The following SEC24C variants were observed in gnomAD, a reference collection of about 807,000 sequenced individuals.
SEC24C encodes the protein SEC24 homolog C, COPII component, also known as protein transport protein Sec24C.
A neutral mutation model predicts 117.0 loss-of-function variants in SEC24C; 22 were observed. That is an observed-to-expected ratio of 0.19 (90% CI 0.13 to 0.27). The LOEUF is 0.27. SEC24C is among the 10% of genes least tolerant of loss of function. The probability of loss-of-function intolerance (pLI) is 1.00; values close to 1 mark genes in which losing one functional copy is unlikely to be tolerated. For synonymous variants in SEC24C, 506 were observed against 529.4 expected, an observed-to-expected ratio of 0.96 and a Z score of 0.61; for missense variants, 1,155 against 1,375.1, an observed-to-expected ratio of 0.84 and a Z score of 2.53.
At chr10:73,753,187 T>C (rs974373208) in intron 3 of SEC24C, among the ~76,000 whole-genome samples, 1 of 152,124 alleles carries the variant, frequency 6.6e-6, no homozygotes, top group Non-Finnish European at 1.5e-5. Flanking sequence ...GTAGCTGGGA[T>C]TGCAGGCGCC....
intron 8 of SEC24C, among the ~76,000 whole-genome samples, chr10:73,764,779 A>G (rs2082855229): frequency 6.6e-6 from 1 of 152,218 alleles, no homozygotes; most frequent in Admixed American, 6.5e-5. Context: ...CAGCATGAAG[A>G]GAGCGAGCCA....
At position 73,770,008 on chromosome 10, in the gene SEC24C, T is replaced by C; in HGVS notation, c.2855T>C (p.Leu952Ser). Reference protein sequence around the residue: ...ETNVFFYPRLLPLTKSPVEST... With the variant: ...ETNVFFYPRLSPLTKSPVEST... ...AATGTCTTCTTCTACCCTCGGCTCTTACCTTTGGTGCGATTGAGGGTTGGA... is the reference window on the plus strand; with the variant it reads ...AATGTCTTCTTCTACCCTCGGCTCTCACCTTTGGTGCGATTGAGGGTTGGA... The change falls in exon 20 of 23, where the codon TTA becomes TCA. Residue 952 changes from leucine to serine, a missense_variant. Physicochemically the swap from Leu to Ser is moderately radical, Grantham distance 145. This residue lies in a region of SEC24C where 759 missense variants were observed against 992.3 expected (regional missense o/e 0.76). Transcript: ENST00000345254. 1.2e-6 allele frequency: 2 copies of C among 1,614,146 alleles called. No homozygotes were observed. Among genetic ancestry groups the C allele is most frequent in the Non-Finnish European group, 1.7e-6 (2 of 1,180,006 alleles).
intron 2 of SEC24C, among the ~76,000 whole-genome samples, chr10:73,748,962 C>T (rs543801653): frequency 4.6e-5 from 7 of 152,294 alleles, no homozygotes; most frequent in Non-Finnish European, 8.8e-5. Context: ...AGGCTGGTCT[C>T]GAACTCCTGA....
At chr10:73,759,584 G>A (rs745592268) in intron 3 of SEC24C, 38 bp from the exon 4 acceptor site, 2 of 1,459,726 alleles carry the variant, frequency 1.4e-6, no homozygotes, top group South Asian at 3.0e-5. Context: ...AGGGTGTCCT[G>A]GCCCCACTAG....
At chr10:73,752,650 GGGAGCTGTTTTAAATACATT>G (rs1303010571) in intron 3 of SEC24C, among the ~76,000 whole-genome samples, 2 of 152,020 alleles carry the variant, frequency 1.3e-5, no homozygotes, top group Non-Finnish European at 2.9e-5. Context: ...TGAGGGGGTA[GGGAGCTGTTTTAAATACATT>G]GGTCCGTGCT....
intron 1 of SEC24C, among the ~76,000 whole-genome samples, chr10:73,744,979 C>T (rs964383052): frequency 4.2e-5 from 4 of 94,510 alleles, no homozygotes; most frequent in African/African-American, 1.3e-4. Flanking sequence ...ATATTTTAAA[C>T]TTAGTGTCAG....
In SEC24C at chr10:73,764,539, A is replaced by C. The variant is rs1018037461; in HGVS notation, c.1227+556A>C. Among the ~76,000 whole-genome samples the C allele has an allele frequency of 7.3e-5, 11 of 151,612 alleles. 1 individual carries two copies. In the East Asian group the frequency reaches 1.9e-3, roughly 27 times the overall value. ...ACTCTGTCTCAAAAAAAAAAAAAAA[A>C]ACAAGAGGTAGGGCCAAATTGTAGG... On this transcript the variant is annotated intron_variant, in intron 8 of 22. Transcript: ENST00000345254.
intron 5 of SEC24C, 126 bp downstream of exon 5, chr10:73,760,512 G>C: frequency 7.9e-7 from 1 of 1,262,290 alleles, no homozygotes; most frequent in Non-Finnish European, 1.1e-6. Context: ...GTAGCTTCAG[G>C]GTATTATTCC....
In SEC24C at chr10:73,759,727, G is replaced by A. The variant is rs11000770; in HGVS notation, c.414G>A (p.Thr138=). 1.2e-6 allele frequency: 2 copies of A among 1,610,128 alleles called. No homozygotes were observed. Among genetic ancestry groups the A allele is most frequent in the Non-Finnish European group, 8.5e-7 (1 of 1,179,186 alleles). Residue 138 remains threonine, a synonymous_variant, in exon 4 of 23, where the codon ACG becomes ACA. Transcript: ENST00000345254. ...CCCCGACAAGTGCACAGGTGGCTAC[G>A]CAGCTGTCTGGAATGCAGATCAGCG... The part of the protein sequence containing the change: ...GPPPTSAQVA[T]QLSGMQISGA...
rs1357371134 is a variant in SEC24C, at chr10:73,770,443, C to G, written c.3026C>G (p.Ser1009Cys). Residue 1009 changes from serine (S) to cysteine (C), a missense_variant, in exon 21 of 23, where the codon TCC (serine) becomes TGC (cysteine). Coordinates refer to ENST00000345254, the MANE Select transcript of SEC24C (RefSeq NM_198597.3). ...QGVVQSLFSV[S>C]SFSQITSGLS... ...GTTGTCCAGAGCCTTTTCAGCGTCT[C>G]CTCCTTCAGTCAGATCACCAGTGGT... 9.3e-6 allele frequency: 15 copies of G among 1,614,068 alleles called. No individual in the cohort carries two copies. Among genetic ancestry groups the G allele is most frequent in the Non-Finnish European group, 1.3e-5 (15 of 1,180,004 alleles).
At chr10:73,749,678 G>A (rs190138109) in intron 2 of SEC24C, among the ~76,000 whole-genome samples, 1 of 152,050 alleles carries the variant, frequency 6.6e-6, no homozygotes, top group Admixed American at 6.5e-5. Flanking sequence ...CGAATAGCTG[G>A]GATTACAGGC....
Position 73,766,538 on chromosome 10 carries a change from C to T in SEC24C, c.1796C>T (p.Thr599Ile). ...VNVNESRAVI[T>I]SLLDQIPEMF... ...GTCAATGAGTCTCGGGCAGTTATCA[C>T]CAGGTAAGAGCCAGATTGTGGAGGT... Residue 599 changes from threonine to isoleucine, a missense_variant, in exon 12 of 23, where the codon ACC (threonine) becomes ATC (isoleucine). Around this residue, in one of 2 missense-constraint regions of SEC24C, gnomAD observed 759 missense variants for 992.3 expected, o/e 0.76. Transcript: ENST00000345254. 6.2e-7 allele frequency: 1 copy of T among 1,605,742 alleles called. No individual in the cohort carries two copies. Among genetic ancestry groups the T allele is most frequent in the Non-Finnish European group, 8.5e-7 (1 of 1,177,918 alleles).
Position 73,769,024 on chromosome 10 carries a change from T to G in SEC24C, c.2296T>G (p.Phe766Val). 1 of 1,614,206 alleles carries G rather than the reference T, an allele frequency of 6.2e-7. No individual in the cohort carries two copies. Among genetic ancestry groups the G allele is most frequent in the Non-Finnish European group, 8.5e-7 (1 of 1,180,040 alleles). Residue 766 changes from phenylalanine to valine, a missense_variant, in exon 17 of 23, where the codon TTC becomes GTC. Phe to Val is a conservative substitution (Grantham distance 50). Coordinates refer to ENST00000345254, the MANE Select transcript of SEC24C (RefSeq NM_198597.3). This position sits in a 1 kb window ranked among gnomAD's most constrained non-coding sequence, Gnocchi z 4.5. ...RTSTGIRAVD[F>V]FGAFYMSNTT... ...GGCCTCAGGTATCCGTGCTGTAGAT[T>G]TCTTTGGAGCTTTCTACATGAGCAA...
chr10:73,747,103 G>C, intron 2 of SEC24C, 99 bp downstream of exon 2: 1 of 1,150,624 alleles, frequency 8.7e-7, no homozygotes. Context: ...GAGAAGTTTG[G>C]ATAACTGGGA....
At chr10:73,755,569 TG>T (rs1294642822) in intron 3 of SEC24C, among the ~76,000 whole-genome samples, 1 of 151,512 alleles carries the variant, frequency 6.6e-6, no homozygotes, top group East Asian at 2.0e-4. Flanking sequence ...CACAGCTACT[TG>T]GGGGGCTGAG....
intron 3 of SEC24C, among the ~76,000 whole-genome samples, chr10:73,752,280 C>G (rs927324504): frequency 6.6e-6 from 1 of 152,110 alleles, no homozygotes. Flanking sequence ...CGCCACCACA[C>G]CCAGCTAATT....
intron 8 of SEC24C, 54 bp downstream of exon 8, chr10:73,764,037 T>A: frequency 6.6e-7 from 1 of 1,525,442 alleles, no homozygotes; most frequent in Non-Finnish European, 8.8e-7. Context: ...TAGAGAGGGG[T>A]CTAAAGCGTC....
chr10:73,765,315 C>A, intron 8 of SEC24C, 136 bp from the exon 9 acceptor site: 1 of 878,362 alleles, frequency 1.1e-6, no homozygotes, highest in Admixed American at 2.3e-5. Context: ...TCCCTTTCAT[C>A]ATTGTGCTCC....
chr10:73,762,292 C>A, intron 6 of SEC24C: 1 of 589,536 alleles, frequency 1.7e-6, no homozygotes, highest in Non-Finnish European at 2.8e-6. Flanking sequence ...TTTAGCCTAG[C>A]CCTTCTAGAT....
Sources: gnomAD v4.1 joint callset for allele counts (sites outside exome capture counted in the v4.1 genomes callset) on GRCh38, gnomAD v4.1.1 for gene constraint, gnomAD v4.1.1 regional missense constraint, Gnocchi (gnomAD v3.1) non-coding constraint, MANE v1.5 for transcripts, NCBI Gene and HGNC (gene_info 2026-07-23, HGNC 2026-07-21) for gene names.